Variants in MTURN observed in about 807,000 individuals in gnomAD.
MTURN encodes maturin.
In MTURN, 7 loss-of-function variants were observed where a neutral mutation model predicts 14.9. That is an observed-to-expected ratio of 0.47 (90% CI 0.27 to 0.88). The LOEUF (loss-of-function observed/expected upper bound fraction) is 0.88, where lower values mean the gene tolerates loss of function less well. Ranked by LOEUF, MTURN falls within the 40% of genes least tolerant of loss-of-function variation. The pLI, the probability that MTURN is intolerant of heterozygous loss-of-function variation, is 0.14. For synonymous variants in MTURN, 69 were observed against 72.5 expected, an observed-to-expected ratio of 0.95 and a Z score of 0.25; for missense variants, 151 against 174.1, an observed-to-expected ratio of 0.87 and a Z score of 0.75.
chr7:30,152,601 T>G (rs775416921), intron 2 of MTURN, among the ~76,000 whole-genome samples: 42 of 152,182 alleles, frequency 2.8e-4, no homozygotes, highest in Non-Finnish European at 5.1e-4. Context: ...TACAAGGATC[T>G]CTGAAGCCAC....
chr7:30,146,413 T>A, intron 2 of MTURN, 114 bp downstream of exon 2: 2 of 1,446,686 alleles, frequency 1.4e-6, no homozygotes, highest in Non-Finnish European at 1.9e-6. Context: ...TGTTTTTCTC[T>A]TGTCTGTCCT....
At chr7:30,139,214 C>G (rs757435400) in intron 1 of MTURN, among the ~76,000 whole-genome samples, 3 of 152,138 alleles carry the variant, frequency 2.0e-5, no homozygotes, top group African/African-American at 7.2e-5. Flanking sequence ...AATTCAGTTT[C>G]AAAGAATAAT....
At chr7:30,157,205 A>G (rs922155667) in intron 2 of MTURN, among the ~76,000 whole-genome samples, 2 of 152,200 alleles carry the variant, frequency 1.3e-5, no homozygotes, top group African/African-American at 4.8e-5. Context: ...ATACTTAAAA[A>G]TAGAGACTCT....
In MTURN at chr7:30,135,229, G is replaced by A; in HGVS notation, c.93G>A (p.Met31Ile). 1 of 1,519,134 alleles carries A rather than the reference G, an allele frequency of 6.6e-7. No homozygotes were observed. Among genetic ancestry groups the A allele is most frequent in the Non-Finnish European group, 8.8e-7 (1 of 1,131,902 alleles). 94.1% of individuals were successfully genotyped at this position (1,519,134 alleles called of 1,614,324 possible). Reference protein sequence around the residue: ...LIATEETERRMDFYADPGVSF... With the variant: ...LIATEETERRIDFYADPGVSF... ...CCACCGAGGAGACCGAACGCAGGAT[G>A]GATTTCTACGCCGACCCCGGCGTCT... Residue 31 changes from methionine to isoleucine, a missense_variant, in exon 1 of 3, where the codon ATG (methionine) becomes ATA (isoleucine). Transcript: ENST00000324453.
intron 1 of MTURN, among the ~76,000 whole-genome samples, chr7:30,138,802 A>G (rs1253515993): frequency 1.3e-5 from 2 of 152,140 alleles, no homozygotes; most frequent in Non-Finnish European, 2.9e-5. Flanking sequence ...CACATGATCT[A>G]CCTTCCTGCC....
chr7:30,146,438 G>C (rs1583506522), intron 2 of MTURN, 139 bp downstream of exon 2: 1 of 1,252,972 alleles, frequency 8.0e-7, no homozygotes. Context: ...CTTAGAGATA[G>C]CAGCCAGTAT....
At position 30,161,448 on chromosome 7, in the gene MTURN, C is replaced by T. The variant is rs1227107448; in HGVS notation, c.*3900C>T. On this transcript the variant is annotated 3_prime_UTR_variant, in exon 3 of 3. Coordinates refer to ENST00000324453, the MANE Select transcript of MTURN (RefSeq NM_152793.3). ...CCCCAGCCAAGGAGACCAACAGGAA[C>T]CCTGCTCATCTGGTAGGGCTCTTTC... 1 of 152,268 alleles carries T rather than the reference C, an allele frequency of 6.6e-6. No individual in the cohort carries two copies. Among genetic ancestry groups the T allele is most frequent in the Non-Finnish European group, 1.5e-5 (1 of 68,080 alleles). The allele number at this position is 152,268 out of a possible 1,614,324, so 9.4% of individuals were successfully genotyped here.
chr7:30,161,097 G>A lies in MTURN; in HGVS notation c.*3549G>A, dbSNP rs747465180. Reference sequence around the variant, plus strand: ...AAGAGCACAATGTACATGGACCTAGGGGAGCTGTGGTCCCAAGTGTCATTG... The same window carrying A: ...AAGAGCACAATGTACATGGACCTAGAGGAGCTGTGGTCCCAAGTGTCATTG... On this transcript the variant is annotated 3_prime_UTR_variant, in exon 3 of 3. Coordinates refer to ENST00000324453, the MANE Select transcript of MTURN (RefSeq NM_152793.3). 2 of 152,620 alleles carry A rather than the reference G, an allele frequency of 1.3e-5. No individual in the cohort carries two copies. The highest frequency in any genetic ancestry group is 6.5e-5 in the Admixed American group (1 of 15,280). 9.5% of individuals were successfully genotyped at this position (152,620 alleles called of 1,614,324 possible). A position where few individuals can be genotyped will look rare whatever the true frequency, so the allele number is the denominator to read the frequency against.
In MTURN at chr7:30,145,786, C is replaced by T. The variant is rs1797120152; in HGVS notation, c.163-391C>T. The T allele has an allele frequency of 4.7e-6, 7 of 1,478,842 alleles. No individual in the cohort carries two copies. In the Admixed American group the frequency reaches 1.3e-4, roughly 27 times the overall value. The allele number at this position is 1,478,842 out of a possible 1,614,324, so 91.6% of individuals were successfully genotyped here. On this transcript the variant is annotated intron_variant, in intron 1 of 2. Coordinates refer to ENST00000324453, the MANE Select transcript of MTURN (RefSeq NM_152793.3). The stretch of plus-strand genomic sequence containing the variant: ...TGCTTAATTAATCTTTCAGCCGTAG[C>T]TGAAAGCAAAGTTAAGGATTTTGAA...
Position 30,160,414 on chromosome 7 carries a change from G to A in MTURN, c.*2866G>A, listed in dbSNP as rs1797351820. On this transcript the variant is annotated 3_prime_UTR_variant, in exon 3 of 3. Transcript: ENST00000324453. Reference sequence around the variant, plus strand: ...TGGAGACATGGCTTTTCTTTGTGCTGTGGCAGACTGGGGCTTTGGAAGTGG... The same window carrying A: ...TGGAGACATGGCTTTTCTTTGTGCTATGGCAGACTGGGGCTTTGGAAGTGG... 6.6e-6 allele frequency: 1 copy of A among 152,300 alleles called. No homozygotes were observed. The highest frequency in any genetic ancestry group is 1.5e-5 in the Non-Finnish European group (1 of 68,098). The allele number at this position is 152,300 out of a possible 1,614,324, so 9.4% of individuals were successfully genotyped here.
Position 30,150,915 on chromosome 7 carries a change from G to A in MTURN, c.285+4616G>A, listed in dbSNP as rs182160911. Among the ~76,000 whole-genome samples, 6 of 152,338 alleles carry A rather than the reference G, an allele frequency of 3.9e-5. No individual in the cohort carries two copies. In the East Asian group the frequency reaches 7.7e-4, roughly 20 times the overall value. On this transcript the variant is annotated intron_variant, in intron 2 of 2. Transcript: ENST00000324453. ...CAGTGTCCCCAGCTTTAAAATGGGGGCAATACTGATTTAGCTGTCTTGTGG... is the reference window on the plus strand; with the variant it reads ...CAGTGTCCCCAGCTTTAAAATGGGGACAATACTGATTTAGCTGTCTTGTGG...
At chr7:30,138,405 G>A (rs1009710998) in intron 1 of MTURN, among the ~76,000 whole-genome samples, 19 of 152,230 alleles carry the variant, frequency 1.2e-4, no homozygotes, top group African/African-American at 4.6e-4. Context: ...GTGAGCCACT[G>A]CACCTGGCCT....
chr7:30,146,221 A>G lies in MTURN; in HGVS notation c.207A>G (p.Leu69=), dbSNP rs768732040. The G allele has an allele frequency of 2.5e-6, 4 of 1,614,168 alleles. No individual in the cohort carries two copies. The East Asian group carries it at 8.9e-5, about 36-fold the overall frequency. ...ESEDCLPFLQ[L]AQDYISSCGK... is the part of the protein sequence containing the mutation. ...AGGACTGCCTGCCTTTCTTGCAGCT[A>G]GCACAGGATTACATCTCCTCCTGCG... The change falls in exon 2 of 3, where the codon CTA becomes CTG. Residue 69 remains leucine, a synonymous_variant. Transcript: ENST00000324453.
intron 1 of MTURN, among the ~76,000 whole-genome samples, chr7:30,143,069 A>G (rs1246893610): frequency 6.6e-6 from 1 of 152,142 alleles, no homozygotes. Flanking sequence ...AGCCCTGCCC[A>G]TAGATGGTCT....
At chr7:30,139,770 C>G (rs145685766) in intron 1 of MTURN, among the ~76,000 whole-genome samples, 64 of 152,236 alleles carry the variant, frequency 4.2e-4, no homozygotes, top group African/African-American at 1.5e-3. Context: ...CTTGCACACT[C>G]TTTCTCTATC....
Position 30,161,042 on chromosome 7 carries a change from A to G in MTURN, c.*3494A>G, listed in dbSNP as rs189503186. 2 of 152,758 alleles carry G rather than the reference A, an allele frequency of 1.3e-5. No homozygotes were observed. The highest frequency in any genetic ancestry group is 1.9e-4 in the East Asian group (1 of 5,188). The allele number at this position is 152,758 out of a possible 1,614,324, so 9.5% of individuals were successfully genotyped here. ...ATAAACAGAAACCGTCTCTAGCACAATATATTTCTGAATATTGTTTCTGTT... is the reference window on the plus strand; with the variant it reads ...ATAAACAGAAACCGTCTCTAGCACAGTATATTTCTGAATATTGTTTCTGTT... On this transcript the variant is annotated 3_prime_UTR_variant, in exon 3 of 3. Coordinates refer to ENST00000324453, the MANE Select transcript of MTURN (RefSeq NM_152793.3).
chr7:30,138,208 C>T (rs1256602959), intron 1 of MTURN, among the ~76,000 whole-genome samples: 2 of 152,108 alleles, frequency 1.3e-5, no homozygotes, highest in Non-Finnish European at 1.5e-5. Flanking sequence ...CTCTGCCTCC[C>T]GGGTTCAAGT....
At chr7:30,154,466 G>A (rs1415341620) in intron 2 of MTURN, among the ~76,000 whole-genome samples, 1 of 152,110 alleles carries the variant, frequency 6.6e-6, no homozygotes, top group East Asian at 1.9e-4. Context: ...AGATAATATA[G>A]CTAGATTACA....
intron 1 of MTURN, chr7:30,145,756 A>G (rs1354547509): frequency 8.8e-6 from 12 of 1,364,158 alleles, no homozygotes; most frequent in Non-Finnish European, 1.2e-5. Context: ...AATGCTTACA[A>G]ACTATGCTTA....
Sources: gnomAD v4.1 joint callset for allele counts (sites outside exome capture counted in the v4.1 genomes callset) on GRCh38, gnomAD v4.1.1 for gene constraint, MANE v1.5 for transcripts, NCBI Gene and HGNC (gene_info 2026-07-23, HGNC 2026-07-21) for gene names.